The following EVC variants were observed in gnomAD, a reference collection of about 807,000 sequenced individuals.
The protein encoded by EVC is EvC ciliary complex subunit 1.
Under a neutral mutation model 118.9 loss-of-function variants are expected in EVC, and 116 were observed. The ratio of observed to expected loss-of-function variants is 0.98; its 90% CI spans 0.84 to 1.14. EVC has a LOEUF of 1.14. EVC is among the 50% of genes most tolerant of loss of function. The probability of loss-of-function intolerance (pLI) is 0.00; values close to 1 mark genes in which losing one functional copy is unlikely to be tolerated. For missense variants in EVC, 1,401 were observed against 1,246.4 expected (o/e 1.12, Z -1.87); for synonymous variants, 619 against 534.7 (o/e 1.16, Z -2.18).
intron 1 of EVC, among the ~76,000 whole-genome samples, chr4:5,713,448 C>G (rs1442280564): frequency 1.3e-5 from 2 of 152,112 alleles, no homozygotes; most frequent in African/African-American, 2.4e-5. Flanking sequence ...GAGGCCAAGG[C>G]GAGCTGTTCA....
chr4:5,724,196 C>G (rs1725432234), intron 2 of EVC, among the ~76,000 whole-genome samples: 1 of 152,208 alleles, frequency 6.6e-6, no homozygotes, highest in African/African-American at 2.4e-5. Flanking sequence ...ACGGCAGACC[C>G]TCAATACATG....
chr4:5,794,817 G>A (rs1713641159), intron 13 of EVC, among the ~76,000 whole-genome samples: 1 of 152,166 alleles, frequency 6.6e-6, no homozygotes, highest in Admixed American at 6.5e-5. Context: ...ATTGCGTGAT[G>A]CTGAGGATTG....
chr4:5,721,028 T>C (rs1455856791), intron 2 of EVC, among the ~76,000 whole-genome samples: 1 of 152,136 alleles, frequency 6.6e-6, no homozygotes, highest in African/African-American at 2.4e-5. Context: ...CACTCTCTCA[T>C]GTGTCTCTGT....
chr4:5,712,884 G>T (rs1359789775), intron 1 of EVC, among the ~76,000 whole-genome samples: 1 of 152,276 alleles, frequency 6.6e-6, no homozygotes, highest in Non-Finnish European at 1.5e-5. Context: ...ATAGACATCT[G>T]GTTCTTTATC....
intron 13 of EVC, among the ~76,000 whole-genome samples, chr4:5,793,931 A>T (rs1713273950): frequency 6.6e-6 from 1 of 152,128 alleles, no homozygotes; most frequent in Non-Finnish European, 1.5e-5. Flanking sequence ...ACTTTTTTAA[A>T]CAGCTTTTTT....
At chr4:5,804,873 T>C (rs927774308) in intron 17 of EVC, 32 bp downstream of exon 17, 1 of 1,553,976 alleles carries the variant, frequency 6.4e-7, no homozygotes, top group Non-Finnish European at 8.9e-7. Context: ...CACGTAGGGC[T>C]GTTCTCTACC....
At chr4:5,803,943 C>CTT (rs10600187) in intron 16 of EVC, among the ~76,000 whole-genome samples, 3 of 142,336 alleles carry the variant, frequency 2.1e-5, no homozygotes, top group African/African-American at 2.6e-5. Context: ...GCCTCATCAC[C>CTT]TTTTTTTTTT....
downstream of EVC, among the ~76,000 whole-genome samples, chr4:5,815,961 G>A (rs948593680): frequency 6.6e-6 from 1 of 151,876 alleles, no homozygotes; most frequent in Non-Finnish European, 1.5e-5. Flanking sequence ...CTTTCCTCCT[G>A]TGGTGTATGG....
At chr4:5,784,386 A>G (rs1025026546) in intron 12 of EVC, among the ~76,000 whole-genome samples, 1 of 151,724 alleles carries the variant, frequency 6.6e-6, no homozygotes, top group Non-Finnish European at 1.5e-5. Context: ...GAGTCTAGGA[A>G]CTCTGGCTGG....
chr4:5,768,836 A>G (rs1733463803), intron 11 of EVC, among the ~76,000 whole-genome samples: 1 of 61,558 alleles, frequency 1.6e-5, no homozygotes, highest in African/African-American at 5.4e-5. Flanking sequence ...TAGCCTGGTG[A>G]CAGAGCAAAA....
chr4:5,716,938 C>T (rs538491299), intron 1 of EVC, among the ~76,000 whole-genome samples: 69 of 152,286 alleles, frequency 4.5e-4, no homozygotes, highest in African/African-American at 1.3e-3. Flanking sequence ...TTTACCTTTG[C>T]TCCTAGTAAA....
intron 9 of EVC, 31 bp downstream of exon 9, chr4:5,753,083 C>T: frequency 6.5e-7 from 1 of 1,544,174 alleles, no homozygotes. Context: ...CCGCCGTCCA[C>T]AACACTGGCC....
At chr4:5,724,800 G>C (rs1296559257) in intron 2 of EVC, among the ~76,000 whole-genome samples, 1 of 151,746 alleles carries the variant, frequency 6.6e-6, no homozygotes, top group Non-Finnish European at 1.5e-5. Context: ...AGGTAAACGT[G>C]TGCCATGGTG....
rs1287999232 is a variant in EVC, at chr4:5,789,576, A to G, written c.1777-4032A>G. 6.6e-6 allele frequency among the ~76,000 whole-genome samples: 1 copy of G among 152,192 alleles called. No individual in the cohort carries two copies. Among genetic ancestry groups the G allele is most frequent in the Non-Finnish European group, 1.5e-5 (1 of 68,040 alleles). On this transcript the variant is annotated intron_variant, in intron 12 of 20. Coordinates refer to ENST00000264956, the MANE Select transcript of EVC (RefSeq NM_153717.3). The surrounding 1 kb of genome is among the most constrained non-coding windows in gnomAD (Gnocchi z 4.3). ...GCACATGCTAGGCATCAATCAATAG[A>G]TCTTTCCCTTTCTCCCCATAATACA...
chr4:5,819,779 G>C, the EVC span, among the ~76,000 whole-genome samples: 23 of 150,798 alleles, frequency 1.5e-4, no homozygotes, highest in Non-Finnish European at 3.2e-4. Flanking sequence ...ATCCGTTCTT[G>C]GTCTTTCCAT....
At chr4:5,809,361 C>CGGATG (rs1716520122) in intron 18 of EVC, among the ~76,000 whole-genome samples, 157 bp from the exon 19 acceptor site, 1 of 152,202 alleles carries the variant, frequency 6.6e-6, no homozygotes. Flanking sequence ...CCTCCTGCTC[C>CGGATG]TCTCCTCTCT....
At chr4:5,736,274 T>C (rs1439131479) in intron 5 of EVC, among the ~76,000 whole-genome samples, 1 of 148,302 alleles carries the variant, frequency 6.7e-6, no homozygotes, top group African/African-American at 2.6e-5. Context: ...TAAAATTGCA[T>C]AGAACTACAC....
At chr4:5,790,440 G>A (rs906674333) in intron 12 of EVC, among the ~76,000 whole-genome samples, 8 of 152,148 alleles carry the variant, frequency 5.3e-5, no homozygotes, top group Admixed American at 2.6e-4. Context: ...CAAATGCAGC[G>A]TGCGCCATCT....
Position 5,765,090 on chromosome 4 carries a change from T to C in EVC, c.1563+8728T>C, listed in dbSNP as rs200882589. Among the ~76,000 whole-genome samples, 860 of 116,630 alleles carry C rather than the reference T, an allele frequency of 7.4e-3. 244 individuals carry two copies. Among genetic ancestry groups the C allele is most frequent in the African/African-American group, 0.027 (800 of 29,956 alleles). 76.5% of individuals were successfully genotyped at this position (116,630 alleles called of 152,430 possible). ...CTGCTTTGAATGCATCCCAGAGATTTTGGTATGTTGTGTCTTTGTTCTCGT... is the reference window on the plus strand; with the variant it reads ...CTGCTTTGAATGCATCCCAGAGATTCTGGTATGTTGTGTCTTTGTTCTCGT... On this transcript the variant is annotated intron_variant, in intron 11 of 20. Transcript: ENST00000264956.
Sources: gnomAD v4.1 joint callset for allele counts (sites outside exome capture counted in the v4.1 genomes callset) on GRCh38, gnomAD v4.1.1 for gene constraint, Gnocchi (gnomAD v3.1) non-coding constraint, MANE v1.5 for transcripts, NCBI Gene and HGNC (gene_info 2026-07-23, HGNC 2026-07-21) for gene names.